The following ZNF114 variants were observed in gnomAD, a reference collection of about 807,000 sequenced individuals.
The protein encoded by ZNF114 is zinc finger protein 114 (Y18).
In ZNF114, 8 loss-of-function variants were observed where a neutral mutation model predicts 6.8. That is an observed-to-expected ratio of 1.18 (90% CI 0.69 to 2.13). The LOEUF (loss-of-function observed/expected upper bound fraction) is 2.13, where lower values mean the gene tolerates loss of function less well. ZNF114 is among the 30% of genes most tolerant of loss of function. The probability of loss-of-function intolerance (pLI) is 0.00; values close to 1 mark genes in which losing one functional copy is unlikely to be tolerated. For synonymous variants in ZNF114, 169 were observed against 185.5 expected, an observed-to-expected ratio of 0.91 and a Z score of 0.72; for missense variants, 472 against 519.5, an observed-to-expected ratio of 0.91 and a Z score of 0.89.
intron 3 of ZNF114, among the ~76,000 whole-genome samples, chr19:48,272,120 A>G (rs1319453295): frequency 6.6e-6 from 1 of 152,092 alleles, no homozygotes; most frequent in African/African-American, 2.4e-5. Flanking sequence ...CCATGAAAGT[A>G]TTGGAGCTGG....
chr19:48,272,476 C>G (rs1967689759), intron 3 of ZNF114, among the ~76,000 whole-genome samples: 1 of 147,874 alleles, frequency 6.8e-6, no homozygotes, highest in African/African-American at 2.5e-5. Context: ...CGCCTGTGAT[C>G]CTAGCTACAC....
intron 4 of ZNF114, among the ~76,000 whole-genome samples, chr19:48,281,103 A>G (rs1174798410): frequency 6.6e-6 from 1 of 152,042 alleles, no homozygotes; most frequent in Non-Finnish European, 1.5e-5. Flanking sequence ...CATTTGCACC[A>G]CTGCACTCCA....
At chr19:48,271,851 A>G (rs1967666174) in intron 3 of ZNF114, 23 bp downstream of exon 3, 1 of 152,232 alleles carries the variant, frequency 6.6e-6, no homozygotes, top group African/African-American at 2.4e-5. Flanking sequence ...GAGTGTCCGT[A>G]CTAAGGGCGG....
chr19:48,281,180 GTC>G (rs1967979020), intron 4 of ZNF114, among the ~76,000 whole-genome samples: 2 of 152,260 alleles, frequency 1.3e-5, no homozygotes, highest in South Asian at 4.2e-4. Context: ...CCGGACGTCA[GTC>G]TCTACCAATC....
In ZNF114 at chr19:48,285,803, C is replaced by T. The variant is rs377746989; in HGVS notation, c.179C>T (p.Pro60Leu). 1.1e-5 allele frequency: 18 copies of T among 1,613,338 alleles called. No homozygotes were observed. The highest frequency in any genetic ancestry group is 6.7e-5 in the Admixed American group (4 of 59,780). ...AAAACCAAAGACGCAACCCCTCAGC[C>T]GGATATTCTTCCTAAAAGAACATTT... ...PCKTKDATPQ[P>L]DILPKRTFPE... The change falls in exon 6 of 6, where the codon CCG (proline) becomes CTG (leucine). Residue 60 changes from proline to leucine, a missense_variant. Coordinates refer to ENST00000595607, the MANE Select transcript of ZNF114 (RefSeq NM_153608.4).
chr19:48,272,345 G>C (rs1252924966), intron 3 of ZNF114, among the ~76,000 whole-genome samples: 1 of 151,042 alleles, frequency 6.6e-6, no homozygotes, highest in Non-Finnish European at 1.5e-5. Context: ...CCGGGAGGTG[G>C]AGGTTGCAGT....
Position 48,285,999 on chromosome 19 carries a change from T to C in ZNF114, c.375T>C (p.Asp125=). Residue 125 remains aspartate (D), a synonymous_variant, in exon 6 of 6, where the codon GAT becomes GAC. Coordinates refer to ENST00000595607, the MANE Select transcript of ZNF114 (RefSeq NM_153608.4). ...KDESPVSICE[D]HEMRNHSKPT... ...AATCTCCTGTTAGCATTTGTGAAGA[T>C]CATGAAATGAGGAACCACTCTAAAC... 1 of 1,613,910 alleles carries C rather than the reference T, an allele frequency of 6.2e-7. No homozygotes were observed. The highest frequency in any genetic ancestry group is 8.5e-7 in the Non-Finnish European group (1 of 1,180,022).
chr19:48,273,265 G>T (rs982400767), intron 3 of ZNF114, among the ~76,000 whole-genome samples: 2 of 152,120 alleles, frequency 1.3e-5, no homozygotes, highest in African/African-American at 2.4e-5. Flanking sequence ...TCACTAATCC[G>T]CTCCGGTGAG....
At position 48,286,408 on chromosome 19, in the gene ZNF114, A is replaced by G. The variant is rs778509761; in HGVS notation, c.784A>G (p.Ile262Val). 4.3e-6 allele frequency: 7 copies of G among 1,614,068 alleles called. No individual in the cohort carries two copies. The highest frequency in any genetic ancestry group is 4.5e-5 in the East Asian group (2 of 44,902). Residue 262 changes from isoleucine (I) to valine (V), a missense_variant, in exon 6 of 6, where the codon ATT becomes GTT. Coordinates refer to ENST00000595607, the MANE Select transcript of ZNF114 (RefSeq NM_153608.4). ...CGAGAACACCTCCAGAAATAACTCA[A>G]TTCACGCCATGCAGATGCAGTTGTA... Reference protein sequence around the residue: ...QCENTSRNNSIHAMQMQLYTA... With the variant: ...QCENTSRNNSVHAMQMQLYTA...
intron 3 of ZNF114, among the ~76,000 whole-genome samples, chr19:48,272,424 A>AAT (rs1555875951): frequency 1.0e-4 from 13 of 126,668 alleles, no homozygotes; most frequent in African/African-American, 3.0e-4. Flanking sequence ...AAAAAAAAAT[A>AAT]AATAATAATA....
At chr19:48,274,232 C>A (rs970812336) in intron 3 of ZNF114, among the ~76,000 whole-genome samples, 1 of 151,204 alleles carries the variant, frequency 6.6e-6, no homozygotes, top group Non-Finnish European at 1.5e-5. Context: ...AGTTTTGAGT[C>A]CGCAATTCAT....
chr19:48,270,558 AAG>A (rs1282342448), intron 1 of ZNF114, among the ~76,000 whole-genome samples: 10 of 148,498 alleles, frequency 6.7e-5, no homozygotes, highest in Admixed American at 1.3e-4. Flanking sequence ...GGAGGGAAGA[AAG>A]AGAAAGAAAA....
chr19:48,280,311 G>A (rs889344130), intron 4 of ZNF114, among the ~76,000 whole-genome samples: 2 of 152,168 alleles, frequency 1.3e-5, no homozygotes. Flanking sequence ...TTGAGCCCAG[G>A]AGGTTGAGGC....
chr19:48,278,268 G>T (rs1451044954), intron 3 of ZNF114, among the ~76,000 whole-genome samples: 1 of 152,056 alleles, frequency 6.6e-6, no homozygotes, highest in Non-Finnish European at 1.5e-5. Flanking sequence ...CAATTCAATG[G>T]CTTTTAGTAT....
intron 3 of ZNF114, among the ~76,000 whole-genome samples, chr19:48,277,834 T>TGTG (rs59910115): frequency 6.7e-6 from 1 of 149,674 alleles, no homozygotes; most frequent in Non-Finnish European, 1.5e-5. Flanking sequence ...TGTGTGTGTG[T>TGTG]TCGTGACGAT....
At position 48,286,202 on chromosome 19, in the gene ZNF114, C is replaced by T. The variant is rs780808323; in HGVS notation, c.578C>T (p.Thr193Ile). ...CAGTGGGTTCCGTGTGGGAGAAAAA[C>T]AGAGCTGAAATCAAGCACATGGACT... The part of the protein sequence containing the change: ...NIQWVPCGRK[T>I]ELKSSTWTGS... The change falls in exon 6 of 6, where the codon ACA (threonine) becomes ATA (isoleucine). Residue 193 changes from threonine to isoleucine, a missense_variant. By Grantham distance (89) the Thr-to-Ile change is moderately conservative (BLOSUM62 -1). Transcript: ENST00000595607. The T allele has an allele frequency of 2.5e-6, 4 of 1,614,138 alleles. No homozygotes were observed. Among genetic ancestry groups the T allele is most frequent in the Non-Finnish European group, 2.5e-6 (3 of 1,180,026 alleles).
At chr19:48,272,023 G>A (rs1229306321) in intron 3 of ZNF114, among the ~76,000 whole-genome samples, 195 bp downstream of exon 3, 1 of 152,208 alleles carries the variant, frequency 6.6e-6, no homozygotes, top group African/African-American at 2.4e-5. Flanking sequence ...CCCATACCGT[G>A]CTGCAGCGTT....
At position 48,279,821 on chromosome 19, in the gene ZNF114, C is replaced by T. The variant is rs779654833; in HGVS notation, c.9+13C>T. On this transcript the variant is annotated intron_variant, in intron 4 of 5. Coordinates refer to ENST00000595607, the MANE Select transcript of ZNF114 (RefSeq NM_153608.4). The stretch of plus-strand genomic sequence containing the variant: ...AAATATGTCCCAGGTAAGTTGGCAG[C>T]TCACCCTCTCCCAGAAGCGTGTTGT... The T allele has an allele frequency of 3.7e-6, 6 of 1,613,912 alleles. No individual in the cohort carries two copies. In the Admixed American group the frequency reaches 1.0e-4, roughly 27 times the overall value.
At chr19:48,282,716 TTTTA>T (rs1209834366) in intron 5 of ZNF114, among the ~76,000 whole-genome samples, 10 of 145,834 alleles carry the variant, frequency 6.9e-5, no homozygotes, top group African/African-American at 2.0e-4. Context: ...TTTTATTTTA[TTTTA>T]TTTATTTTTT....
Sources: gnomAD v4.1 joint callset for allele counts (sites outside exome capture counted in the v4.1 genomes callset) on GRCh38, gnomAD v4.1.1 for gene constraint, MANE v1.5 for transcripts, NCBI Gene and HGNC (gene_info 2026-07-23, HGNC 2026-07-21) for gene names.